The following SPHKAP variants were observed in gnomAD, a reference collection of about 807,000 sequenced individuals.
SPHKAP encodes the protein A-kinase anchor protein SPHKAP.
SPHKAP carries 67 observed loss-of-function variants against 137.5 expected under a neutral mutation model. The ratio of observed to expected loss-of-function variants is 0.49; its 90% CI spans 0.40 to 0.60. The LOEUF is 0.60. Among genes scored for constraint, SPHKAP ranks in the 20% least tolerant of loss-of-function variants. The pLI is 0.00. For missense variants in SPHKAP, 2,097 were observed against 2,069.3 expected (o/e 1.01, Z -0.26); for synonymous variants, 813 against 785.3 (o/e 1.04, Z -0.59).
At chr2:228,111,394 A>G (rs1698511432) in intron 2 of SPHKAP, among the ~76,000 whole-genome samples, 1 of 152,166 alleles carries the variant, frequency 6.6e-6, no homozygotes, top group Non-Finnish European at 1.5e-5. Flanking sequence ...GGAAACGGTA[A>G]GCTATTCTCT....
At chr2:228,047,310 A>C (rs1696096757) in intron 3 of SPHKAP, among the ~76,000 whole-genome samples, 1 of 152,076 alleles carries the variant, frequency 6.6e-6, no homozygotes. Context: ...TGCTAAAAAT[A>C]CAAAAATTAG....
chr2:228,002,328 A>G (rs894803779), intron 7 of SPHKAP, among the ~76,000 whole-genome samples: 3 of 152,152 alleles, frequency 2.0e-5, no homozygotes, highest in African/African-American at 7.2e-5. Flanking sequence ...CAGTGATGAT[A>G]AGCATTTTTT....
chr2:228,092,220 CATAT>C (rs1350312101), intron 3 of SPHKAP, among the ~76,000 whole-genome samples: 1 of 144,826 alleles, frequency 6.9e-6, no homozygotes, highest in Non-Finnish European at 1.5e-5. Flanking sequence ...TATATACACA[CATAT>C]ATACACACAT....
At chr2:228,178,342 T>C (rs1284435135) in intron 1 of SPHKAP, among the ~76,000 whole-genome samples, 1 of 152,186 alleles carries the variant, frequency 6.6e-6, no homozygotes, top group Non-Finnish European at 1.5e-5. Context: ...GAAATGGAGA[T>C]GATAATATCT....
In SPHKAP at chr2:228,016,722, C is replaced by G; in HGVS notation, c.4132G>C (p.Glu1378Gln). The G allele has an allele frequency of 1.2e-6, 2 of 1,614,088 alleles. No individual in the cohort carries two copies. The highest frequency in any genetic ancestry group is 1.7e-6 in the Non-Finnish European group (2 of 1,180,016). ...LDCPRKDSVT[E>Q]CKQPPVSSLS... is the part of the protein sequence containing the mutation. ...GATGACACTGGGGGCTGTTTACATTCGGTAACAGAGTCTTTCCTCGGGCAA... is the reference window on the plus strand; with the variant it reads ...GATGACACTGGGGGCTGTTTACATTGGGTAACAGAGTCTTTCCTCGGGCAA... Residue 1378 changes from glutamate (E) to glutamine (Q), a missense_variant, in exon 7 of 12, where the codon GAA becomes CAA. Physicochemically the swap from Glu to Gln is conservative, Grantham distance 29. Coordinates refer to ENST00000392056, the MANE Select transcript of SPHKAP (RefSeq NM_001142644.2).
rs371280224 is a variant in SPHKAP, at chr2:228,177,946, G to A, written c.32+3621C>T. On this transcript the variant is annotated intron_variant, in intron 1 of 11. Coordinates refer to ENST00000392056, the MANE Select transcript of SPHKAP (RefSeq NM_001142644.2). ...CAAGCAAAAAGAACAAAACAGTACAGTATAACAATGCAAATGTTTAGAAAA... is the reference window on the plus strand; with the variant it reads ...CAAGCAAAAAGAACAAAACAGTACAATATAACAATGCAAATGTTTAGAAAA... 8.5e-5 allele frequency among the ~76,000 whole-genome samples: 13 copies of A among 152,244 alleles called. 1 individual carries two copies. In the East Asian group the frequency reaches 1.2e-3, roughly 14 times the overall value.
chr2:228,052,532 A>G (rs2106274734), intron 3 of SPHKAP, among the ~76,000 whole-genome samples: 1 of 152,324 alleles, frequency 6.6e-6, no homozygotes, highest in East Asian at 1.9e-4. Flanking sequence ...ACATCAGAGC[A>G]ATATCATTGA....
chr2:228,018,492 C>T lies in SPHKAP; in HGVS notation c.2362G>A (p.Val788Met). 3 of 1,614,168 alleles carry T rather than the reference C, an allele frequency of 1.9e-6. No individual in the cohort carries two copies. The highest frequency in any genetic ancestry group is 2.5e-6 in the Non-Finnish European group (3 of 1,180,026). Residue 788 changes from valine (V) to methionine (M), a missense_variant, in exon 7 of 12, where the codon GTG becomes ATG. Coordinates refer to ENST00000392056, the MANE Select transcript of SPHKAP (RefSeq NM_001142644.2). ...HNTSLVINNL[V>M]DGMYSKQDKG... ...TCTTGTTTTGAATACATGCCATCCA[C>T]AAGATTGTTGATGACAAGACTCGTG...
intron 3 of SPHKAP, among the ~76,000 whole-genome samples, chr2:228,076,549 T>C (rs1270968050): frequency 2.0e-5 from 3 of 152,214 alleles, no homozygotes; most frequent in Admixed American, 2.0e-4. Context: ...TGTGTTATTT[T>C]AGCAAAGAGA....
At chr2:228,119,511 G>A (rs1300915868) in intron 2 of SPHKAP, among the ~76,000 whole-genome samples, 2 of 112,380 alleles carry the variant, frequency 1.8e-5, no homozygotes, top group East Asian at 5.7e-4. Flanking sequence ...TGGACTAGAA[G>A]TCAGGAGGTT....
In SPHKAP at chr2:228,099,860, T is replaced by G. The variant is rs561961410; in HGVS notation, c.246+8972A>C. Among the ~76,000 whole-genome samples the G allele has an allele frequency of 6.6e-3, 1,007 of 151,554 alleles. 5 individuals carry two copies. The highest frequency in any genetic ancestry group is 0.011 in the Non-Finnish European group (746 of 67,876). On this transcript the variant is annotated intron_variant, in intron 3 of 11. Transcript: ENST00000392056. The stretch of plus-strand genomic sequence containing the variant: ...AATGCTACTGATTTTTTTTTGTTTG[T>G]TTTTTTTGAGATGGAATCTCGCTCT...
chr2:228,144,559 ATATATTTAATATATACTATTTTGTGAC>A (rs1699713216), intron 1 of SPHKAP, among the ~76,000 whole-genome samples: 1 of 151,876 alleles, frequency 6.6e-6, no homozygotes. Context: ...TATATTTTTT[ATATATTTAATATATACTATTTTGTGAC>A]TAGACAAAGT....
At chr2:228,007,914 A>G (rs1694204910) in intron 7 of SPHKAP, among the ~76,000 whole-genome samples, 1 of 152,204 alleles carries the variant, frequency 6.6e-6, no homozygotes, top group South Asian at 2.1e-4. Flanking sequence ...TCAACTAAAA[A>G]TGGATTAAAT....
chr2:228,137,539 A>G (rs1418142806), intron 1 of SPHKAP, among the ~76,000 whole-genome samples: 2 of 152,208 alleles, frequency 1.3e-5, no homozygotes, highest in Admixed American at 1.3e-4. Flanking sequence ...AGATTCTAAA[A>G]GATAAGATTC....
intron 1 of SPHKAP, among the ~76,000 whole-genome samples, chr2:228,140,349 G>A (rs1699565710): frequency 6.6e-6 from 1 of 151,802 alleles, no homozygotes; most frequent in South Asian, 2.1e-4. Flanking sequence ...CTAGACTGTA[G>A]TTCAGGGACA....
chr2:228,118,115 C>G (rs1419977543), intron 2 of SPHKAP, among the ~76,000 whole-genome samples: 1 of 151,814 alleles, frequency 6.6e-6, no homozygotes, highest in Non-Finnish European at 1.5e-5. Flanking sequence ...TAATACGTAG[C>G]CTTTTATGAC....
chr2:228,161,433 C>T (rs776386684), intron 1 of SPHKAP, among the ~76,000 whole-genome samples: 1 of 152,110 alleles, frequency 6.6e-6, no homozygotes, highest in Admixed American at 6.6e-5. Context: ...GAAAAAAGTT[C>T]GTAAGATATT....
chr2:228,115,749 AATAAAC>A (rs1479395901), intron 2 of SPHKAP, among the ~76,000 whole-genome samples: 2 of 152,260 alleles, frequency 1.3e-5, no homozygotes, highest in South Asian at 2.1e-4. Flanking sequence ...ATCATGAAGA[AATAAAC>A]ATAGTGCAGT....
At chr2:228,108,371 G>A (rs528897495) in intron 3 of SPHKAP, among the ~76,000 whole-genome samples, 1 of 152,138 alleles carries the variant, frequency 6.6e-6, no homozygotes, top group East Asian at 1.9e-4. Context: ...TAAAATGTAT[G>A]ACTGTTTATT....
Sources: allele counts gnomAD v4.1 joint callset (sites outside exome capture counted in the v4.1 genomes callset), GRCh38; gene constraint gnomAD v4.1.1; transcripts MANE v1.5; gene names NCBI Gene and HGNC (gene_info 2026-07-23, HGNC 2026-07-21).